AFF4: variants seen among roughly 807,000 people sequenced by gnomAD.
AFF4 encodes AF4/FMR2 family member 4.
Under a neutral mutation model 124.8 loss-of-function variants are expected in AFF4, and 13 were observed. That is an observed-to-expected ratio of 0.10 (90% CI 0.07 to 0.17). The LOEUF is 0.17. AFF4 is among the 10% of genes least tolerant of loss of function. The probability of loss-of-function intolerance (pLI) is 1.00; values close to 1 mark genes in which losing one functional copy is unlikely to be tolerated. For synonymous variants in AFF4, 477 were observed against 496.1 expected, an observed-to-expected ratio of 0.96 and a Z score of 0.51; for missense variants, 1,092 against 1,403.8, an observed-to-expected ratio of 0.78 and a Z score of 3.55.
chr5:132,942,441 T>C (rs1029657806), intron 1 of AFF4, among the ~76,000 whole-genome samples: 2 of 150,810 alleles, frequency 1.3e-5, no homozygotes, highest in African/African-American at 2.4e-5. Context: ...GGAAGCCCCC[T>C]GAACTCAGTC....
At chr5:132,890,251 G>A (rs910795630) in intron 13 of AFF4, among the ~76,000 whole-genome samples, 1 of 151,022 alleles carries the variant, frequency 6.6e-6, no homozygotes, top group Admixed American at 6.6e-5. Context: ...AACATTACTA[G>A]GATAGCTTTT....
chr5:132,945,820 G>T (rs1000637995), intron 1 of AFF4, among the ~76,000 whole-genome samples: 1 of 151,856 alleles, frequency 6.6e-6, no homozygotes, highest in East Asian at 1.9e-4. Context: ...TAGCACTTTC[G>T]CAGGCTGAGG....
intron 11 of AFF4, 61 bp from the exon 12 acceptor site, chr5:132,893,179 T>C (rs1456751431): frequency 3.8e-5 from 51 of 1,340,030 alleles, no homozygotes; most frequent in Non-Finnish European, 5.5e-5. Flanking sequence ...CTTCCAGCAC[T>C]AGCTACCCAC....
At chr5:132,962,594 GA>G (rs1762102854) in intron 1 of AFF4, among the ~76,000 whole-genome samples, 1 of 152,026 alleles carries the variant, frequency 6.6e-6, no homozygotes, top group African/African-American at 2.4e-5. Flanking sequence ...AAAGTAGAAG[GA>G]ACAAAGCACT....
At chr5:132,892,547 T>C (rs1008224846) in intron 12 of AFF4, 143 bp from the exon 13 acceptor site, 4 of 1,281,668 alleles carry the variant, frequency 3.1e-6, no homozygotes, top group Non-Finnish European at 4.3e-6. Flanking sequence ...TAAAACAAAA[T>C]AAGACTGTAA....
In AFF4 at chr5:132,878,103, A is replaced by G; in HGVS notation, c.*2956T>C. On this transcript the variant is annotated 3_prime_UTR_variant, in exon 21 of 21. Coordinates refer to ENST00000265343, the MANE Select transcript of AFF4 (RefSeq NM_014423.4). The stretch of plus-strand genomic sequence containing the variant: ...TCACTTCTTGGCTACTTGCCCAGAA[A>G]AAGGTGGCACTGAGGCAAGGAATGG... The G allele has an allele frequency of 4.4e-6, 1 of 226,800 alleles. No homozygotes were observed. Among genetic ancestry groups the G allele is most frequent in the Non-Finnish European group, 8.8e-6 (1 of 114,018 alleles). The allele number at this position is 226,800 out of a possible 1,614,324, so 14.0% of individuals were successfully genotyped here.
intron 1 of AFF4, chr5:132,944,200 A>G (rs1761640678): frequency 6.6e-6 from 1 of 152,490 alleles, no homozygotes; most frequent in Non-Finnish European, 1.5e-5. Context: ...AGCCAGGTGT[A>G]ATGGCGGGCG....
At position 132,876,745 on chromosome 5, in the gene AFF4, T is replaced by C. The variant is rs1404300031; in HGVS notation, c.*4314A>G. ...AAGTTCTTTCTAATTAACCATAGGG[T>C]TCATGTGAATAGGAGCTTTGTAAGA... On this transcript the variant is annotated 3_prime_UTR_variant, in exon 21 of 21. Transcript: ENST00000265343. 1 of 197,454 alleles carries C rather than the reference T, an allele frequency of 5.1e-6. No individual in the cohort carries two copies. Among genetic ancestry groups the C allele is most frequent in the Non-Finnish European group, 1.0e-5 (1 of 95,398 alleles). 12.2% of individuals were successfully genotyped at this position (197,454 alleles called of 1,614,324 possible). A position where few individuals can be genotyped will look rare whatever the true frequency, so the allele number is the denominator to read the frequency against.
intron 5 of AFF4, among the ~76,000 whole-genome samples, chr5:132,905,337 T>C (rs1250322050): frequency 6.6e-6 from 1 of 152,222 alleles, no homozygotes; most frequent in Non-Finnish European, 1.5e-5. Context: ...AAACTATGCA[T>C]TTCTCAAAAT....
chr5:132,900,737 A>T, intron 7 of AFF4: 3 of 486,944 alleles, frequency 6.2e-6, no homozygotes, highest in Non-Finnish European at 8.0e-6. Flanking sequence ...CAAAACCATT[A>T]AACTTAAAAT....
chr5:132,906,697 AC>A (rs1760678584), intron 5 of AFF4, among the ~76,000 whole-genome samples: 1 of 152,224 alleles, frequency 6.6e-6, no homozygotes, highest in Non-Finnish European at 1.5e-5. Flanking sequence ...TGAACTCTAC[AC>A]TTGAAGTAGG....
chr5:132,945,782 C>T (rs191934146), intron 1 of AFF4, among the ~76,000 whole-genome samples: 13 of 151,104 alleles, frequency 8.6e-5, no homozygotes, highest in African/African-American at 2.9e-4. Context: ...ATAAACAGGC[C>T]GGGCACGGTG....
intron 13 of AFF4, among the ~76,000 whole-genome samples, chr5:132,889,479 T>TAA (rs1760201818): frequency 6.6e-6 from 1 of 152,202 alleles, no homozygotes; most frequent in Non-Finnish European, 1.5e-5. Flanking sequence ...CAGCACTACT[T>TAA]ACGGCAACAT....
chr5:132,887,799 A>G, intron 16 of AFF4, 47 bp downstream of exon 16: 1 of 1,604,138 alleles, frequency 6.2e-7, no homozygotes, highest in South Asian at 1.1e-5. Context: ...TTGATGGACC[A>G]GAGAAATAAT....
At chr5:132,938,423 G>A (rs1761483756) in intron 1 of AFF4, among the ~76,000 whole-genome samples, 1 of 151,616 alleles carries the variant, frequency 6.6e-6, no homozygotes, top group African/African-American at 2.4e-5. Context: ...GCATGCCAAT[G>A]GCTGGCTAAT....
chr5:132,951,371 T>G (rs909352715), intron 1 of AFF4, among the ~76,000 whole-genome samples: 2 of 152,174 alleles, frequency 1.3e-5, no homozygotes, highest in African/African-American at 4.8e-5. Context: ...TGAACAGTTG[T>G]GCTACCCATC....
Position 132,963,358 on chromosome 5 carries a change from G to C in AFF4, c.-104C>G, listed in dbSNP as rs1031551029. The C allele has an allele frequency of 7.5e-6, 3 of 397,444 alleles. No individual in the cohort carries two copies. The highest frequency in any genetic ancestry group is 4.1e-5 in the African/African-American group (2 of 48,700). 24.6% of individuals were successfully genotyped at this position (397,444 alleles called of 1,614,324 possible). A position where few individuals can be genotyped will look rare whatever the true frequency, so the allele number is the denominator to read the frequency against. On this transcript the variant is annotated 5_prime_UTR_variant, in exon 1 of 21. Coordinates refer to ENST00000265343, the MANE Select transcript of AFF4 (RefSeq NM_014423.4). ...CGGACGCGCATTCGAGCCCGCCCAG[G>C]GGGCGGTGACAGGCTGCCAAGGGCG... is the stretch of plus-strand genomic sequence containing the variant.
In AFF4 at chr5:132,876,218, C is replaced by G; in HGVS notation, c.*4841G>C. The G allele has an allele frequency of 4.4e-6, 1 of 229,706 alleles. No individual in the cohort carries two copies. The allele number at this position is 229,706 out of a possible 1,614,324, so 14.2% of individuals were successfully genotyped here. On this transcript the variant is annotated 3_prime_UTR_variant, in exon 21 of 21. Transcript: ENST00000265343. ...CCCCCTACCCCCACCCCACCCATCC[C>G]AGTACTGTTGAATGCTCATGTTAAT...
chr5:132,884,805 T>C (rs948461815), intron 19 of AFF4, among the ~76,000 whole-genome samples: 2 of 152,198 alleles, frequency 1.3e-5, no homozygotes, highest in African/African-American at 4.8e-5. Flanking sequence ...CAAGTAACTA[T>C]GGAAATCAAA....
Sources: allele counts gnomAD v4.1 joint callset (sites outside exome capture counted in the v4.1 genomes callset), GRCh38; gene constraint gnomAD v4.1.1; transcripts MANE v1.5; gene names NCBI Gene and HGNC (gene_info 2026-07-23, HGNC 2026-07-21).